The following FSTL4 variants were observed in gnomAD, a reference collection of about 807,000 sequenced individuals.
FSTL4 encodes follistatin-related protein 4.
Under a neutral mutation model 78.2 loss-of-function variants are expected in FSTL4, and 28 were observed. The ratio of observed to expected loss-of-function variants is 0.36; its 90% CI spans 0.27 to 0.49. The LOEUF is 0.49. Among genes scored for constraint, FSTL4 ranks in the 20% least tolerant of loss-of-function variants. The pLI, the probability that FSTL4 is intolerant of heterozygous loss-of-function variation, is 0.98. For synonymous variants in FSTL4, 422 were observed against 440.5 expected, an observed-to-expected ratio of 0.96 and a Z score of 0.53; for missense variants, 922 against 1,084.9, an observed-to-expected ratio of 0.85 and a Z score of 2.11.
chr5:133,745,733 A>G, the FSTL4 span, among the ~76,000 whole-genome samples: 3 of 152,212 alleles, frequency 2.0e-5, no homozygotes, highest in African/African-American at 7.2e-5. Context: ...ATTTGCTAAA[A>G]CTGCCACTTG....
intron 4 of FSTL4, among the ~76,000 whole-genome samples, chr5:133,322,932 G>C (rs1043038641): frequency 6.6e-6 from 1 of 152,216 alleles, no homozygotes; most frequent in Non-Finnish European, 1.5e-5. Flanking sequence ...GGGATTACAT[G>C]TTCTGAGCAG....
chr5:133,348,338 A>T (rs1754745387), intron 4 of FSTL4, among the ~76,000 whole-genome samples: 1 of 152,250 alleles, frequency 6.6e-6, no homozygotes, highest in African/African-American at 2.4e-5. Flanking sequence ...ACTGGGGAGA[A>T]TGTGTAGGAA....
rs145305825 is a variant in FSTL4 at position 133,593,051 on chromosome 5, G to A, written c.126+10807C>T. ...CTCCAATAGGACAGTTTTGGCCACCGGGGTGGTAGTGTCACATGCTGCAGT... is the reference window on the plus strand; with the variant it reads ...CTCCAATAGGACAGTTTTGGCCACCAGGGTGGTAGTGTCACATGCTGCAGT... On this transcript the variant is annotated intron_variant, in intron 2 of 15. Coordinates refer to ENST00000265342, the MANE Select transcript of FSTL4 (RefSeq NM_015082.2). Among the ~76,000 whole-genome samples the A allele has an allele frequency of 2.2e-3, 337 of 152,220 alleles. 3 individuals carry two copies. Among genetic ancestry groups the A allele is most frequent in the African/African-American group, 7.3e-3 (302 of 41,548 alleles).
At chr5:133,683,464 G>A in the FSTL4 span, among the ~76,000 whole-genome samples, 3 of 151,918 alleles carry the variant, frequency 2.0e-5, no homozygotes, top group African/African-American at 4.8e-5. Context: ...TTCTCCACTC[G>A]TTTTTAATTG....
chr5:133,546,067 A>G (rs1417267113), intron 3 of FSTL4, among the ~76,000 whole-genome samples: 1 of 152,258 alleles, frequency 6.6e-6, no homozygotes, highest in Non-Finnish European at 1.5e-5. Context: ...TCTAAGTGTC[A>G]GCAAAGTATT....
intron 3 of FSTL4, among the ~76,000 whole-genome samples, chr5:133,560,873 T>C (rs1759896778): frequency 6.7e-6 from 1 of 150,132 alleles, no homozygotes; most frequent in Admixed American, 6.6e-5. Flanking sequence ...GATCACGAGG[T>C]CAGGAGATAG....
intron 4 of FSTL4, among the ~76,000 whole-genome samples, chr5:133,350,707 A>C (rs1361900504): frequency 6.6e-6 from 1 of 152,122 alleles, no homozygotes; most frequent in Non-Finnish European, 1.5e-5. Context: ...CTTGTCAGAG[A>C]CCCAGGGTCA....
At chr5:133,530,618 A>G (rs559363970) in intron 3 of FSTL4, among the ~76,000 whole-genome samples, 2 of 152,374 alleles carry the variant, frequency 1.3e-5, no homozygotes, top group Non-Finnish European at 1.5e-5. Context: ...CCTGGAGAAC[A>G]TATGAGTTTA....
intron 3 of FSTL4, among the ~76,000 whole-genome samples, chr5:133,542,915 T>C (rs1398441261): frequency 6.6e-6 from 1 of 151,120 alleles, no homozygotes; most frequent in East Asian, 1.9e-4. Flanking sequence ...TGAACCTTTC[T>C]GTTGTACTTT....
chr5:133,634,178 T>A, the FSTL4 span, among the ~76,000 whole-genome samples: 11 of 152,234 alleles, frequency 7.2e-5, no homozygotes, highest in Admixed American at 5.9e-4. Flanking sequence ...GACACCATTG[T>A]GGTGATGGTA....
At chr5:133,495,456 G>GATA (rs1288276338) in intron 3 of FSTL4, among the ~76,000 whole-genome samples, 1 of 152,194 alleles carries the variant, frequency 6.6e-6, no homozygotes, top group East Asian at 1.9e-4. Flanking sequence ...GGGGATGAGC[G>GATA]ATAATCCAAA....
At chr5:133,664,346 A>G in the FSTL4 span, among the ~76,000 whole-genome samples, 1 of 151,978 alleles carries the variant, frequency 6.6e-6, no homozygotes, top group African/African-American at 2.4e-5. Flanking sequence ...AGAATTTCCT[A>G]GGCACATTAA....
the FSTL4 span, among the ~76,000 whole-genome samples, chr5:133,724,556 T>C: frequency 2.0e-5 from 3 of 152,156 alleles, no homozygotes; most frequent in Non-Finnish European, 4.4e-5. Context: ...ATCACCTTTT[T>C]ACCCATTTTT....
intron 7 of FSTL4, among the ~76,000 whole-genome samples, chr5:133,240,713 CTG>C (rs1333222442): frequency 6.6e-6 from 1 of 152,222 alleles, no homozygotes; most frequent in African/African-American, 2.4e-5. Flanking sequence ...TTGTGCATGA[CTG>C]TATTATTCTC....
chr5:133,448,100 AAC>A (rs1561720709), intron 3 of FSTL4, among the ~76,000 whole-genome samples: 1 of 152,202 alleles, frequency 6.6e-6, no homozygotes, highest in Non-Finnish European at 1.5e-5. Flanking sequence ...AGATGCTGAG[AAC>A]ACACTTTAAA....
intron 3 of FSTL4, among the ~76,000 whole-genome samples, chr5:133,432,925 C>G (rs1487187779): frequency 1.3e-5 from 2 of 152,214 alleles, no homozygotes; most frequent in African/African-American, 2.4e-5. Flanking sequence ...TGCTTCTGTG[C>G]CTTGCTATGT....
At chr5:133,773,675 G>A in the FSTL4 span, among the ~76,000 whole-genome samples, 17 of 152,166 alleles carry the variant, frequency 1.1e-4, no homozygotes, top group African/African-American at 3.6e-4. Context: ...TAGTTCCTGC[G>A]TGCTTCATCT....
chr5:133,222,779 G>A (rs377739372), intron 11 of FSTL4, among the ~76,000 whole-genome samples: 142 of 152,272 alleles, frequency 9.3e-4, no homozygotes, highest in African/African-American at 3.2e-3. Context: ...AAGAGGGCCC[G>A]AAGGAGCTGT....
chr5:133,399,727 G>A (rs912077224), intron 4 of FSTL4, among the ~76,000 whole-genome samples: 6 of 152,196 alleles, frequency 3.9e-5, no homozygotes, highest in African/African-American at 1.4e-4. Flanking sequence ...CTTGGCAGGT[G>A]TCTAGTCCAA....
Sources: allele counts gnomAD v4.1 joint callset (sites outside exome capture counted in the v4.1 genomes callset), GRCh38; gene constraint gnomAD v4.1.1; transcripts MANE v1.5; gene names NCBI Gene and HGNC (gene_info 2026-07-23, HGNC 2026-07-21).